The following GPATCH2L variants were observed in gnomAD, a reference collection of about 807,000 sequenced individuals.
GPATCH2L encodes G-patch domain containing 2 like.
GPATCH2L carries 31 observed loss-of-function variants against 57.4 expected under a neutral mutation model. That is an observed-to-expected ratio of 0.54 (90% CI 0.41 to 0.73). The LOEUF (loss-of-function observed/expected upper bound fraction) is 0.73, where lower values mean the gene tolerates loss of function less well. GPATCH2L is among the 30% of genes least tolerant of loss of function. The pLI is 0.00. For missense variants in GPATCH2L, 481 were observed against 599.9 expected (o/e 0.80, Z 2.07); for synonymous variants, 199 against 210.7 (o/e 0.94, Z 0.48).
intron 1 of GPATCH2L, among the ~76,000 whole-genome samples, chr14:76,225,859 A>G (rs75440545): frequency 0.02 from 3,097 of 152,320 alleles, 58 homozygotes; most frequent in South Asian, 0.034. Flanking sequence ...TACATCAAAA[A>G]GTGCTTAAAC....
intron 1 of GPATCH2L, among the ~76,000 whole-genome samples, chr14:76,225,909 C>T (rs367732903): frequency 3.9e-5 from 6 of 152,062 alleles, no homozygotes; most frequent in South Asian, 2.1e-4. Flanking sequence ...AAACCCAATG[C>T]GATATTACTA....
chr14:76,158,526 A>G (rs2038417940), intron 2 of GPATCH2L, among the ~76,000 whole-genome samples: 1 of 152,200 alleles, frequency 6.6e-6, no homozygotes, highest in South Asian at 2.1e-4. Context: ...ATTTTAACCA[A>G]AGATTGGGTG....
rs1386307242 is a variant in GPATCH2L at position 76,205,715 on chromosome 14, A to G, written c.*3864A>G. The G allele has an allele frequency of 6.6e-6, 1 of 152,284 alleles. No homozygotes were observed. Among genetic ancestry groups the G allele is most frequent in the Non-Finnish European group, 1.5e-5 (1 of 68,080 alleles). 9.4% of individuals were successfully genotyped at this position (152,284 alleles called of 1,614,324 possible). On this transcript the variant is annotated 3_prime_UTR_variant, in exon 10 of 10. Coordinates refer to ENST00000261530, the MANE Select transcript of GPATCH2L (RefSeq NM_017926.4). ...TTATCATTAAAGTCACTTGGAATTG[A>G]AAAAGATACAGAGTGTTGAGACAAA...
Position 76,210,993 on chromosome 14 carries a change from T to C in GPATCH2L, c.*9142T>C, listed in dbSNP as rs2040434110. ...ATTACAATGTAGAATGAAATAAGAATGACAGGGTATTTTGGCAGCAAGGAG... is the reference window on the plus strand; with the variant it reads ...ATTACAATGTAGAATGAAATAAGAACGACAGGGTATTTTGGCAGCAAGGAG... On this transcript the variant is annotated 3_prime_UTR_variant, in exon 10 of 10. Coordinates refer to ENST00000261530, the MANE Select transcript of GPATCH2L (RefSeq NM_017926.4). 6.6e-6 allele frequency: 1 copy of C among 152,052 alleles called. No individual in the cohort carries two copies. Among genetic ancestry groups the C allele is most frequent in the Non-Finnish European group, 1.5e-5 (1 of 68,018 alleles). The allele number at this position is 152,052 out of a possible 1,614,324, so 9.4% of individuals were successfully genotyped here.
In GPATCH2L at chr14:76,212,585, C is replaced by T. The variant is rs189111250; in HGVS notation, c.*10734C>T. On this transcript the variant is annotated 3_prime_UTR_variant, in exon 10 of 10. Coordinates refer to ENST00000261530, the MANE Select transcript of GPATCH2L (RefSeq NM_017926.4). ...TTAATTCAATTCTGTCAATTCATGA[C>T]AGATCAAGTGGATAAAAAACTAGGA... is the stretch of plus-strand genomic sequence containing the variant. 1 of 152,188 alleles carries T rather than the reference C, an allele frequency of 6.6e-6. No homozygotes were observed. Among genetic ancestry groups the T allele is most frequent in the Admixed American group, 6.5e-5 (1 of 15,280 alleles). 9.4% of individuals were successfully genotyped at this position (152,188 alleles called of 1,614,324 possible). A position where few individuals can be genotyped will look rare whatever the true frequency, so the allele number is the denominator to read the frequency against.
chr14:76,228,360 C>CGT (rs974473549), intron 1 of GPATCH2L, among the ~76,000 whole-genome samples: 5 of 152,078 alleles, frequency 3.3e-5, no homozygotes, highest in African/African-American at 1.2e-4. Flanking sequence ...CGTGCGCGCG[C>CGT]GTGTGTGTGT....
rs1418245374 is a variant in GPATCH2L, at chr14:76,213,578, G to A, written c.*11727G>A. 2 of 152,142 alleles carry A rather than the reference G, an allele frequency of 1.3e-5. No individual in the cohort carries two copies. The highest frequency in any genetic ancestry group is 1.9e-4 in the East Asian group (1 of 5,192). 9.4% of individuals were successfully genotyped at this position (152,142 alleles called of 1,614,324 possible). On this transcript the variant is annotated 3_prime_UTR_variant, in exon 10 of 10. Transcript: ENST00000261530. ...CAAAAGCTCACCAGCCAGAGATAAA[G>A]TGAGGCCAGCTCAGGGAATGTGAGC...
intron 7 of GPATCH2L, 68 bp from the exon 8 acceptor site, chr14:76,180,696 A>G: frequency 1.0e-6 from 1 of 964,454 alleles, no homozygotes; most frequent in Non-Finnish European, 1.7e-6. Context: ...AATCAAATGT[A>G]GGTTACCCTT....
chr14:76,154,259 T>C lies in GPATCH2L; in HGVS notation c.-10-95T>C, dbSNP rs891119312. 4 of 1,053,426 alleles carry C rather than the reference T, an allele frequency of 3.8e-6. No homozygotes were observed. The highest frequency in any genetic ancestry group is 5.3e-5 in the Admixed American group (2 of 37,938). 65.3% of individuals were successfully genotyped at this position (1,053,426 alleles called of 1,614,324 possible). ...GAACTGTGGACTACCATGATCTGTTTCATCAAATTATTCCAAAACAACAGA... is the reference window on the plus strand; with the variant it reads ...GAACTGTGGACTACCATGATCTGTTCCATCAAATTATTCCAAAACAACAGA... On this transcript the variant is annotated intron_variant, in intron 1 of 9. Coordinates refer to ENST00000261530, the MANE Select transcript of GPATCH2L (RefSeq NM_017926.4). This position sits in a 1 kb window ranked among gnomAD's most constrained non-coding sequence, Gnocchi z 4.4.
At chr14:76,180,457 A>C (rs542148560) in intron 7 of GPATCH2L, among the ~76,000 whole-genome samples, 55 of 152,364 alleles carry the variant, frequency 3.6e-4, no homozygotes, top group Non-Finnish European at 6.6e-4. Context: ...ATCAGCAGGC[A>C]CAAGTTCCTG....
At chr14:76,216,842 C>T (rs1052194072), downstream of GPATCH2L, among the ~76,000 whole-genome samples, 4 of 151,920 alleles carry the variant, frequency 2.6e-5, no homozygotes, top group East Asian at 3.9e-4. Flanking sequence ...ATTAATGGAA[C>T]GATATAGAAA....
chr14:76,180,289 A>G lies in GPATCH2L; in HGVS notation c.1108-475A>G, dbSNP rs141999891. Reference sequence around the variant, plus strand: ...AGTATCTCAGTGGTAGATTGGAACTAAAAGGTGTTCTGATTCTTAGTCTAG... The same window carrying G: ...AGTATCTCAGTGGTAGATTGGAACTGAAAGGTGTTCTGATTCTTAGTCTAG... On this transcript the variant is annotated intron_variant, in intron 7 of 9. Coordinates refer to ENST00000261530, the MANE Select transcript of GPATCH2L (RefSeq NM_017926.4). 1.6e-4 allele frequency among the ~76,000 whole-genome samples: 25 copies of G among 152,328 alleles called. No individual in the cohort carries two copies. The East Asian group carries it at 4.8e-3, about 29-fold the overall frequency.
intron 1 of GPATCH2L, among the ~76,000 whole-genome samples, chr14:76,220,838 G>T (rs1423608211): frequency 1.3e-5 from 2 of 152,022 alleles, no homozygotes; most frequent in Non-Finnish European, 2.9e-5. Flanking sequence ...CTAAATTATT[G>T]ATAGTTCAAA....
intron 1 of GPATCH2L, among the ~76,000 whole-genome samples, chr14:76,227,821 C>A (rs1454809558): frequency 6.6e-6 from 1 of 152,174 alleles, no homozygotes; most frequent in Non-Finnish European, 1.5e-5. Context: ...CTTGGCTCAG[C>A]CCCGTGAGTC....
chr14:76,223,545 C>A (rs1254438784), intron 1 of GPATCH2L, among the ~76,000 whole-genome samples: 3 of 152,130 alleles, frequency 2.0e-5, no homozygotes, highest in Non-Finnish European at 4.4e-5. Context: ...AGATATGACA[C>A]CACATGCACA....
intron 9 of GPATCH2L, among the ~76,000 whole-genome samples, chr14:76,200,556 A>G (rs1566816532): frequency 6.6e-6 from 1 of 152,162 alleles, no homozygotes; most frequent in Non-Finnish European, 1.5e-5. Flanking sequence ...ACGTTCCAAA[A>G]TGTTTGAAAG....
chr14:76,192,727 C>A (rs1248421017), intron 8 of GPATCH2L, among the ~76,000 whole-genome samples: 3 of 152,032 alleles, frequency 2.0e-5, no homozygotes, highest in African/African-American at 7.2e-5. Flanking sequence ...ATGAAAGAAG[C>A]AACAAAACTG....
chr14:76,164,328 G>A lies in GPATCH2L; in HGVS notation c.663-2335G>A, dbSNP rs151238396. 1.5e-3 allele frequency among the ~76,000 whole-genome samples: 222 copies of A among 152,296 alleles called. 1 individual carries two copies. Among genetic ancestry groups the A allele is most frequent in the African/African-American group, 5.1e-3 (212 of 41,564 alleles). On this transcript the variant is annotated intron_variant, in intron 2 of 9. Transcript: ENST00000261530. ...CTGTTGTGGGGCTGTGCTGTGCATT[G>A]CAGGATGCTGAGCAGCATCCCTGGC... is the stretch of plus-strand genomic sequence containing the variant.
At position 76,152,387 on chromosome 14, in the gene GPATCH2L, A is replaced by G. The variant is rs138815615; in HGVS notation, c.-11+396A>G. 997 of 257,042 alleles carry G rather than the reference A, an allele frequency of 3.9e-3. 4 individuals carry two copies. Among genetic ancestry groups the G allele is most frequent in the Non-Finnish European group, 5.7e-3 (721 of 126,538 alleles). 15.9% of individuals were successfully genotyped at this position (257,042 alleles called of 1,614,324 possible). On this transcript the variant is annotated intron_variant, in intron 1 of 9. Coordinates refer to ENST00000261530, the MANE Select transcript of GPATCH2L (RefSeq NM_017926.4). ...TCCCGGAGGGAGCTCAGTCGCCAAG[A>G]CTTGCATTTTGGCAGTTTCTGCCCT...
Sources: gnomAD v4.1 joint callset for allele counts (sites outside exome capture counted in the v4.1 genomes callset) on GRCh38, gnomAD v4.1.1 for gene constraint, Gnocchi (gnomAD v3.1) non-coding constraint, MANE v1.5 for transcripts, NCBI Gene and HGNC (gene_info 2026-07-23, HGNC 2026-07-21) for gene names.